SHISA9: variants seen among roughly 807,000 people sequenced by gnomAD.
SHISA9 encodes the protein protein shisa-9.
Under a neutral mutation model 38.0 loss-of-function variants are expected in SHISA9, and 13 were observed. The ratio of observed to expected loss-of-function variants is 0.34; its 90% CI spans 0.22 to 0.54. The LOEUF is 0.54. Ranked by LOEUF, SHISA9 falls within the 20% of genes least tolerant of loss-of-function variation. The probability of loss-of-function intolerance (pLI) is 0.91; values close to 1 mark genes in which losing one functional copy is unlikely to be tolerated. For synonymous variants in SHISA9, 275 were observed against 242.0 expected (o/e 1.14, Z -1.27); for missense variants, 538 against 575.8 (o/e 0.93, Z 0.67).
Position 13,238,197 on chromosome 16 carries a change from AG to A in SHISA9, c.*2789del, listed in dbSNP as rs1172109408. The A allele has an allele frequency of 6.6e-6, 1 of 152,170 alleles. No individual in the cohort carries two copies. Among genetic ancestry groups the A allele is most frequent in the African/African-American group, 2.4e-5 (1 of 41,454 alleles). The allele number at this position is 152,170 out of a possible 1,614,324, so 9.4% of individuals were successfully genotyped here. On this transcript the variant is annotated 3_prime_UTR_variant, in exon 5 of 5. Transcript: ENST00000558583. ...GTATTAAATAATTGTTAAAAATACC[AG>A]CACCCAATGAAGACTTTCTCTTTGT...
chr16:13,358,093 G>A, the SHISA9 span, among the ~76,000 whole-genome samples: 1 of 152,108 alleles, frequency 6.6e-6, no homozygotes, highest in Non-Finnish European at 1.5e-5. Context: ...GGCCTCCCTT[G>A]AAAAGAGAGA....
At chr16:13,455,832 G>A in the SHISA9 span, among the ~76,000 whole-genome samples, 5 of 152,232 alleles carry the variant, frequency 3.3e-5, no homozygotes, top group East Asian at 5.8e-4. Flanking sequence ...AAGAAATGAA[G>A]GGAAGTTGAT....
intron 2 of SHISA9, among the ~76,000 whole-genome samples, chr16:13,151,917 C>G (rs2050503221): frequency 6.6e-6 from 1 of 152,146 alleles, no homozygotes; most frequent in Admixed American, 6.5e-5. Flanking sequence ...CTCCGCATCA[C>G]CAGGGTTTCT....
At chr16:13,413,383 G>A in the SHISA9 span, among the ~76,000 whole-genome samples, 5 of 152,188 alleles carry the variant, frequency 3.3e-5, no homozygotes, top group African/African-American at 1.2e-4. Flanking sequence ...TTAAAAACAA[G>A]GAATTTCCAT....
the SHISA9 span, among the ~76,000 whole-genome samples, chr16:13,559,238 C>G: frequency 0.14 from 20,760 of 152,070 alleles, 1,868 homozygotes; most frequent in African/African-American, 0.25. Flanking sequence ...ATGCTAGAAA[C>G]GATTCTAGAG....
intron 2 of SHISA9, among the ~76,000 whole-genome samples, chr16:13,177,734 G>A (rs2050743835): frequency 6.6e-6 from 1 of 152,076 alleles, no homozygotes; most frequent in Admixed American, 6.6e-5. Flanking sequence ...CAATGGCGCA[G>A]TCTAGGCTCA....
At chr16:13,332,737 A>G in the SHISA9 span, among the ~76,000 whole-genome samples, 2 of 152,198 alleles carry the variant, frequency 1.3e-5, no homozygotes, top group African/African-American at 4.8e-5. Flanking sequence ...GTGTGACCCC[A>G]GGAGGACTCT....
intron 3 of SHISA9, chr16:13,204,836 AGAATT>A (rs1181937924): frequency 6.6e-6 from 1 of 152,238 alleles, no homozygotes; most frequent in African/African-American, 2.4e-5. Flanking sequence ...GACAGAGCTG[AGAATT>A]GAACCCTATT....
At chr16:13,101,531 C>T (rs2073878901) in intron 2 of SHISA9, among the ~76,000 whole-genome samples, 1 of 152,148 alleles carries the variant, frequency 6.6e-6, no homozygotes, top group Admixed American at 6.5e-5. Flanking sequence ...GCCAATCTGG[C>T]CAACAATCAT....
chr16:13,243,231 ACT>A (rs2051447863), downstream of SHISA9, among the ~76,000 whole-genome samples: 2 of 148,916 alleles, frequency 1.3e-5, no homozygotes, highest in Admixed American at 1.3e-4. Context: ...ACAGTGCGAG[ACT>A]CTGTCTCAAA....
intron 2 of SHISA9, among the ~76,000 whole-genome samples, chr16:13,006,834 C>T (rs1222306441): frequency 1.3e-5 from 2 of 152,134 alleles, no homozygotes; most frequent in Admixed American, 6.5e-5. Flanking sequence ...AGCTCATCCC[C>T]CGTCCCCCAC....
At chr16:13,175,366 A>C (rs2050723004) in intron 2 of SHISA9, among the ~76,000 whole-genome samples, 2 of 152,222 alleles carry the variant, frequency 1.3e-5, no homozygotes, top group South Asian at 4.1e-4. Context: ...CTCCCTCTCC[A>C]AAATAAATAC....
At chr16:12,963,892 T>C (rs2071944112) in intron 2 of SHISA9, among the ~76,000 whole-genome samples, 3 of 152,334 alleles carry the variant, frequency 2.0e-5, no homozygotes, top group Admixed American at 2.0e-4. Context: ...TTGGATGTCA[T>C]AGCCGAGGGA....
the SHISA9 span, among the ~76,000 whole-genome samples, chr16:13,309,284 C>T: frequency 6.6e-6 from 1 of 152,108 alleles, no homozygotes; most frequent in Non-Finnish European, 1.5e-5. Context: ...TGCAGCAAAC[C>T]ACCATAGCAC....
chr16:13,512,802 C>G, the SHISA9 span, among the ~76,000 whole-genome samples: 1 of 152,102 alleles, frequency 6.6e-6, no homozygotes, highest in African/African-American at 2.4e-5. Context: ...AACTGGCTAG[C>G]CATATGCAGA....
intron 2 of SHISA9, among the ~76,000 whole-genome samples, chr16:13,128,587 G>A (rs886716230): frequency 2.0e-5 from 3 of 152,174 alleles, no homozygotes; most frequent in African/African-American, 7.2e-5. Context: ...TCTTACCACA[G>A]TGCCAGACAG....
chr16:13,456,425 CA>C, the SHISA9 span, among the ~76,000 whole-genome samples: 1 of 152,284 alleles, frequency 6.6e-6, no homozygotes, highest in East Asian at 1.9e-4. Flanking sequence ...ATACCTAGTA[CA>C]ATATTTTGGA....
chr16:13,237,205 C>G lies in SHISA9; in HGVS notation c.*1796C>G, dbSNP rs1405361678. 6.6e-6 allele frequency: 1 copy of G among 152,152 alleles called. No homozygotes were observed. Among genetic ancestry groups the G allele is most frequent in the East Asian group, 1.9e-4 (1 of 5,186 alleles). 9.4% of individuals were successfully genotyped at this position (152,152 alleles called of 1,614,324 possible). ...CTCACCTGTCTCTCCACTCTGACAT[C>G]ACGAAATCAGCAAAACCAGATATTT... On this transcript the variant is annotated 3_prime_UTR_variant, in exon 5 of 5. Coordinates refer to ENST00000558583, the MANE Select transcript of SHISA9 (RefSeq NM_001145204.3).
chr16:13,029,651 A>G (rs903697488), intron 2 of SHISA9, among the ~76,000 whole-genome samples: 1 of 152,236 alleles, frequency 6.6e-6, no homozygotes, highest in Non-Finnish European at 1.5e-5. Flanking sequence ...TTGCAACAAC[A>G]TGGATGGAAC....
Sources: allele counts gnomAD v4.1 joint callset (sites outside exome capture counted in the v4.1 genomes callset), GRCh38; gene constraint gnomAD v4.1.1; transcripts MANE v1.5; gene names NCBI Gene and HGNC (gene_info 2026-07-23, HGNC 2026-07-21).